The following PTPRD variants were observed in gnomAD, a reference collection of about 807,000 sequenced individuals.
The protein encoded by PTPRD is protein tyrosine phosphatase receptor type D.
In PTPRD, 34 loss-of-function variants were observed where a neutral mutation model predicts 214.5. The observed-to-expected ratio is 0.16, with a 90% CI of 0.12 to 0.21. PTPRD has a LOEUF of 0.21. Ranked by LOEUF, PTPRD falls within the 10% of genes least tolerant of loss-of-function variation. PTPRD has a pLI of 1.00. For synonymous variants in PTPRD, 1,128 were observed against 845.7 expected (o/e 1.33, Z -5.79); for missense variants, 2,545 against 2,398.7 (o/e 1.06, Z -1.27).
intron 8 of PTPRD, among the ~76,000 whole-genome samples, chr9:9,500,241 A>G (rs1346267899): frequency 6.6e-6 from 1 of 152,142 alleles, no homozygotes; most frequent in African/African-American, 2.4e-5. Flanking sequence ...GCCATGATAG[A>G]GAAAGTCACA....
At chr9:10,611,356 TAAAGAAAAAAATGCTG>T (rs1185657566) in intron 2 of PTPRD, among the ~76,000 whole-genome samples, 1 of 152,134 alleles carries the variant, frequency 6.6e-6, no homozygotes, top group East Asian at 1.9e-4. Context: ...TTGGCAGTGA[TAAAGAAAAAAATGCTG>T]AAATGTTATT....
intron 11 of PTPRD, among the ~76,000 whole-genome samples, chr9:8,824,793 G>A (rs938998772): frequency 6.6e-6 from 1 of 152,112 alleles, no homozygotes; most frequent in Non-Finnish European, 1.5e-5. Flanking sequence ...ACAGGAATAA[G>A]CAGGGTTTGC....
chr9:10,471,963 A>G (rs1236759681), intron 2 of PTPRD, among the ~76,000 whole-genome samples: 1 of 152,132 alleles, frequency 6.6e-6, no homozygotes, highest in East Asian at 1.9e-4. Flanking sequence ...GATCTTTGTG[A>G]TTATTTCAAT....
intron 6 of PTPRD, among the ~76,000 whole-genome samples, chr9:9,742,618 AG>A (rs2098415751): frequency 6.6e-6 from 1 of 151,880 alleles, no homozygotes; most frequent in Non-Finnish European, 1.5e-5. Context: ...AGAGAGCCTG[AG>A]CCATATTCTT....
Position 8,331,596 on chromosome 9 carries a change from A to G in PTPRD, c.5520T>C (p.Ile1840=). Residue 1840 remains isoleucine (I), a synonymous_variant, in exon 44 of 46, where the codon ATT becomes ATC. Transcript: ENST00000381196. The stretch of plus-strand genomic sequence containing the variant: ...TGGAAACTTACCTGCAATGGACTGA[A>G]ATGGGTCCATCTTGGCCAAACTGTT... ...TKEQFGQDGP[I]SVHCSAGVGR... The G allele has an allele frequency of 6.2e-7, 1 of 1,609,906 alleles. No homozygotes were observed. The highest frequency in any genetic ancestry group is 8.5e-7 in the Non-Finnish European group (1 of 1,179,858).
chr9:9,096,339 T>C (rs577631373), intron 10 of PTPRD, among the ~76,000 whole-genome samples: 5 of 152,234 alleles, frequency 3.3e-5, no homozygotes, highest in African/African-American at 9.6e-5. Flanking sequence ...AGACCTTAAA[T>C]ATACGCAATA....
In PTPRD at chr9:9,489,935, A is replaced by G. The variant is rs1591036; in HGVS notation, c.-237+84797T>C. ...TGAACTTTAAGTAAGTTGAACAAAG[A>G]AACTCGCATCAAGACAGGTTGTCAA... On this transcript the variant is annotated intron_variant, in intron 8 of 45. Transcript: ENST00000381196. Among the ~76,000 whole-genome samples, 1,435 of 152,266 alleles carry G rather than the reference A, an allele frequency of 9.4e-3. 13 individuals carry two copies. The highest frequency in any genetic ancestry group is 0.016 in the Non-Finnish European group (1,110 of 67,984).
At chr9:8,675,915 C>T (rs1202644568) in intron 12 of PTPRD, among the ~76,000 whole-genome samples, 6 of 152,176 alleles carry the variant, frequency 3.9e-5, no homozygotes, top group Non-Finnish European at 8.8e-5. Flanking sequence ...TTACTTCCCT[C>T]TGTGACATAC....
intron 5 of PTPRD, among the ~76,000 whole-genome samples, chr9:9,852,860 T>G (rs1027894879): frequency 6.6e-6 from 1 of 152,064 alleles, no homozygotes; most frequent in Non-Finnish European, 1.5e-5. Context: ...TCACATAAGA[T>G]ATGCATAAAT....
intron 14 of PTPRD, among the ~76,000 whole-genome samples, chr9:8,569,201 G>T (rs1192036414): frequency 6.6e-6 from 1 of 151,920 alleles, no homozygotes; most frequent in East Asian, 1.9e-4. Context: ...CCCACCCCAA[G>T]AACCGCTATC....
intron 2 of PTPRD, among the ~76,000 whole-genome samples, chr9:10,357,641 A>C (rs935243096): frequency 6.6e-6 from 1 of 152,178 alleles, no homozygotes; most frequent in Non-Finnish European, 1.5e-5. Flanking sequence ...AAGTTTAGAT[A>C]TTTTTGTTTC....
At chr9:8,410,439 G>A (rs527439824) in intron 35 of PTPRD, among the ~76,000 whole-genome samples, 1 of 152,092 alleles carries the variant, frequency 6.6e-6, no homozygotes, top group Non-Finnish European at 1.5e-5. Flanking sequence ...CCTAGTGTCA[G>A]GTGTGTGTCC....
intron 2 of PTPRD, among the ~76,000 whole-genome samples, chr9:10,505,726 C>T (rs2133463130): frequency 6.6e-6 from 1 of 151,644 alleles, no homozygotes; most frequent in East Asian, 1.9e-4. Flanking sequence ...AGCTATAGTT[C>T]CATGTTATCA....
intron 9 of PTPRD, among the ~76,000 whole-genome samples, chr9:9,249,805 C>T (rs976922265): frequency 6.6e-6 from 1 of 152,046 alleles, no homozygotes; most frequent in Non-Finnish European, 1.5e-5. Flanking sequence ...CATGTAACTT[C>T]TTATACTGAA....
chr9:8,550,643 T>C (rs943360151), intron 14 of PTPRD, among the ~76,000 whole-genome samples: 2 of 152,208 alleles, frequency 1.3e-5, no homozygotes, highest in Non-Finnish European at 2.9e-5. Flanking sequence ...TGATTTTCAA[T>C]CACCTAAATA....
chr9:10,285,911 G>T lies in PTPRD; in HGVS notation c.-545+55052C>A, dbSNP rs568785367. Among the ~76,000 whole-genome samples, 446 of 152,050 alleles carry T rather than the reference G, an allele frequency of 2.9e-3. 1 individual carries two copies. The highest frequency in any genetic ancestry group is 5.3e-3 in the Non-Finnish European group (359 of 67,978). ...GCGTGAGCTACTGTGCCCGGCCGGGGTCTCATTTTTCTTAGCAATAAAGTA... is the reference window on the plus strand; with the variant it reads ...GCGTGAGCTACTGTGCCCGGCCGGGTTCTCATTTTTCTTAGCAATAAAGTA... On this transcript the variant is annotated intron_variant, in intron 3 of 45. Transcript: ENST00000381196.
chr9:10,242,460 G>C (rs2091267575), intron 3 of PTPRD, among the ~76,000 whole-genome samples: 1 of 151,928 alleles, frequency 6.6e-6, no homozygotes, highest in Non-Finnish European at 1.5e-5. Context: ...TGGATACTAT[G>C]ATTCATATGA....
At chr9:10,265,405 G>A (rs558956064) in intron 3 of PTPRD, among the ~76,000 whole-genome samples, 11 of 152,268 alleles carry the variant, frequency 7.2e-5, no homozygotes, top group South Asian at 6.2e-4. Flanking sequence ...CCAGCTGACC[G>A]TAGCCACATG....
chr9:8,470,872 A>T (rs2096640059), intron 31 of PTPRD, 123 bp downstream of exon 31: 4 of 803,916 alleles, frequency 5.0e-6, no homozygotes, highest in Non-Finnish European at 6.4e-6. Flanking sequence ...TGAACCATCC[A>T]ACCAGCTAGG....
Sources: allele counts gnomAD v4.1 joint callset (sites outside exome capture counted in the v4.1 genomes callset), GRCh38; gene constraint gnomAD v4.1.1; transcripts MANE v1.5; gene names NCBI Gene and HGNC (gene_info 2026-07-23, HGNC 2026-07-21).